The following AGBL4 variants were observed in gnomAD, a reference collection of about 807,000 sequenced individuals.
The protein encoded by AGBL4 is AGBL carboxypeptidase 4.
A neutral mutation model predicts 66.4 loss-of-function variants in AGBL4; 58 were observed. The observed-to-expected ratio is 0.87, with a 90% CI of 0.71 to 1.09. AGBL4 has a LOEUF of 1.09. Ranked by LOEUF, AGBL4 falls within the 50% of genes least tolerant of loss-of-function variation. AGBL4 has a pLI of 0.00. For synonymous variants in AGBL4, 234 were observed against 222.9 expected, an observed-to-expected ratio of 1.05 and a Z score of -0.44; for missense variants, 579 against 631.0, an observed-to-expected ratio of 0.92 and a Z score of 0.88.
intron 6 of AGBL4, among the ~76,000 whole-genome samples, chr1:48,857,829 CT>C (rs768497745): frequency 1.4e-4 from 22 of 152,062 alleles, no homozygotes; most frequent in Non-Finnish European, 2.9e-5. Context: ...AATGGATAAA[CT>C]TCATCAGAAT....
chr1:48,643,845 T>A (rs2148428100), intron 8 of AGBL4, among the ~76,000 whole-genome samples: 1 of 152,264 alleles, frequency 6.6e-6, no homozygotes, highest in South Asian at 2.1e-4. Flanking sequence ...TCCTGAAGGG[T>A]CTATTCTGGT....
rs368034488 is a variant in AGBL4 at position 49,849,393 on chromosome 1, T to TTTTTTA, written c.157+2002_157+2003insTAAAAA. On this transcript the variant is annotated intron_variant, in intron 2 of 13. Transcript: ENST00000371839. Reference sequence around the variant, plus strand: ...TTCTAAGATGTCCTCATTCATCTAATTTATTATTATTATTATTATTATTAT... The same window carrying TTTTTTA: ...TTCTAAGATGTCCTCATTCATCTAATTTTTTATTATTATTATTATTATTATTATTAT... Among the ~76,000 whole-genome samples the TTTTTTA allele has an allele frequency of 4.7e-4, 61 of 130,076 alleles. 1 individual carries two copies. The highest frequency in any genetic ancestry group is 2.0e-3 in the Admixed American group (25 of 12,576). The allele number at this position is 130,076 out of a possible 152,430, so 85.3% of individuals were successfully genotyped here.
intron 1 of AGBL4, among the ~76,000 whole-genome samples, chr1:50,003,618 A>G (rs1030955677): frequency 6.6e-6 from 1 of 152,220 alleles, no homozygotes; most frequent in Non-Finnish European, 1.5e-5. Flanking sequence ...GGACCAGAGA[A>G]TTCTATTGGC....
At position 49,045,643 on chromosome 1, in the gene AGBL4, C is replaced by G; in HGVS notation, c.535G>C (p.Asp179His). Residue 179 changes from aspartate (D) to histidine (H), a missense_variant, in exon 5 of 14, where the codon GAC becomes CAC. Asp to His is a moderately conservative substitution (Grantham distance 81). Transcript: ENST00000371839. ...YTYTRFQHYLDSLQKRNMDYF... is the reference protein window; with the variant it reads ...YTYTRFQHYLHSLQKRNMDYF... ...TCCATGTTTCTCTTTTGCAGGCTGT[C>G]AAGGTAATGTTGGAAGCGAGTGTAT... is the stretch of plus-strand genomic sequence containing the variant. 6.3e-7 allele frequency: 1 copy of G among 1,598,470 alleles called. No individual in the cohort carries two copies. The highest frequency in any genetic ancestry group is 1.3e-5 in the African/African-American group (1 of 74,762).
At chr1:48,607,575 G>A (rs542929120) in intron 9 of AGBL4, among the ~76,000 whole-genome samples, 4 of 152,082 alleles carry the variant, frequency 2.6e-5, no homozygotes, top group Non-Finnish European at 5.9e-5. Context: ...CTGAGATTGC[G>A]CCATTGCACT....
intron 3 of AGBL4, among the ~76,000 whole-genome samples, chr1:49,508,707 G>C (rs937416184): frequency 4.0e-5 from 6 of 151,836 alleles, no homozygotes; most frequent in Non-Finnish European, 5.9e-5. Context: ...TTAGACCTAA[G>C]TTTCTTAATT....
intron 2 of AGBL4, among the ~76,000 whole-genome samples, chr1:49,794,199 C>A (rs1644675333): frequency 6.6e-6 from 1 of 151,762 alleles, no homozygotes; most frequent in South Asian, 2.1e-4. Context: ...CGGATTCTCA[C>A]CACTAAAATA....
chr1:48,898,196 T>C (rs114279058), intron 5 of AGBL4, among the ~76,000 whole-genome samples: 2,644 of 152,276 alleles, frequency 0.017, 74 homozygotes, highest in African/African-American at 0.061. Flanking sequence ...TTTGTTCTGG[T>C]CATTAATCCC....
At chr1:48,947,840 TTCTC>T (rs149584451) in intron 5 of AGBL4, among the ~76,000 whole-genome samples, 4,281 of 152,036 alleles carry the variant, frequency 0.028, 174 homozygotes, top group African/African-American at 0.098. Flanking sequence ...AATTTTTTTT[TTCTC>T]TCTCTCTTTT....
At chr1:49,149,973 T>C (rs1432036951) in intron 4 of AGBL4, among the ~76,000 whole-genome samples, 1 of 152,228 alleles carries the variant, frequency 6.6e-6, no homozygotes, top group Non-Finnish European at 1.5e-5. Flanking sequence ...GTATCTTCTC[T>C]ACACATTATT....
intron 2 of AGBL4, among the ~76,000 whole-genome samples, chr1:49,753,846 C>T (rs1423529922): frequency 6.6e-6 from 1 of 152,200 alleles, no homozygotes; most frequent in Non-Finnish European, 1.5e-5. Flanking sequence ...ATCCTTTCTT[C>T]CACTTCATCG....
intron 1 of AGBL4, among the ~76,000 whole-genome samples, chr1:49,855,998 A>G (rs544811871): frequency 6.6e-6 from 1 of 151,708 alleles, no homozygotes; most frequent in East Asian, 1.9e-4. Context: ...ACTGCTAGCT[A>G]GCTAAACGAT....
At chr1:49,266,396 C>G (rs1553174473) in intron 3 of AGBL4, 1 of 149,690 alleles carries the variant, frequency 6.7e-6, no homozygotes, top group African/African-American at 2.5e-5. Context: ...AAGATACAGA[C>G]AAAAAAAAAG....
intron 1 of AGBL4, among the ~76,000 whole-genome samples, chr1:49,938,452 T>C (rs1390880603): frequency 6.6e-6 from 1 of 152,170 alleles, no homozygotes; most frequent in Non-Finnish European, 1.5e-5. Flanking sequence ...TCTGAAACTA[T>C]TCCAATCAAC....
chr1:49,574,057 C>G (rs993224970), intron 3 of AGBL4, among the ~76,000 whole-genome samples: 1 of 152,110 alleles, frequency 6.6e-6, no homozygotes, highest in Non-Finnish European at 1.5e-5. Flanking sequence ...TCTTCAGGAG[C>G]CACCCCAACA....
At chr1:48,879,199 A>T (rs995917401) in intron 5 of AGBL4, among the ~76,000 whole-genome samples, 2 of 150,300 alleles carry the variant, frequency 1.3e-5, no homozygotes. Flanking sequence ...TTCAGTATAA[A>T]AAAAAAAAAA....
At chr1:49,471,288 TA>T (rs1187501016) in intron 3 of AGBL4, among the ~76,000 whole-genome samples, 1 of 152,034 alleles carries the variant, frequency 6.6e-6, no homozygotes, top group African/African-American at 2.4e-5. Flanking sequence ...ATTTAAACAC[TA>T]GATTTTTGTC....
At chr1:49,481,699 T>C (rs1490904330) in intron 3 of AGBL4, among the ~76,000 whole-genome samples, 1 of 152,032 alleles carries the variant, frequency 6.6e-6, no homozygotes, top group Non-Finnish European at 1.5e-5. Context: ...CCTTGTCTTA[T>C]GCTAGTTTTC....
At chr1:49,607,224 C>T (rs1179387613) in intron 3 of AGBL4, among the ~76,000 whole-genome samples, 1 of 152,130 alleles carries the variant, frequency 6.6e-6, no homozygotes, top group Non-Finnish European at 1.5e-5. Flanking sequence ...GCTGCCCCAA[C>T]TTCTCCCAAA....
Sources: allele counts gnomAD v4.1 joint callset (sites outside exome capture counted in the v4.1 genomes callset), GRCh38; gene constraint gnomAD v4.1.1; transcripts MANE v1.5; gene names NCBI Gene and HGNC (gene_info 2026-07-23, HGNC 2026-07-21).